The following CCDC149 variants were observed in gnomAD, a reference collection of about 807,000 sequenced individuals.
CCDC149 encodes the protein coiled-coil domain-containing protein 149.
A neutral mutation model predicts 59.9 loss-of-function variants in CCDC149; 45 were observed. That is an observed-to-expected ratio of 0.75 (90% CI 0.59 to 0.96). CCDC149 has a LOEUF of 0.96. Among genes scored for constraint, CCDC149 ranks in the 40% least tolerant of loss-of-function variants. The pLI is 0.00. For missense variants in CCDC149, 584 were observed against 664.7 expected (o/e 0.88, Z 1.33); for synonymous variants, 245 against 260.6 (o/e 0.94, Z 0.58).
intron 11 of CCDC149, 129 bp from the exon 12 acceptor site, chr4:24,820,104 G>A (rs780993147): frequency 9.3e-6 from 6 of 646,434 alleles, no homozygotes; most frequent in African/African-American, 1.8e-5. Flanking sequence ...AGCCTGCTAC[G>A]ACTGCTGACA....
At chr4:24,968,332 A>T (rs1723864426) in intron 1 of CCDC149, among the ~76,000 whole-genome samples, 1 of 152,222 alleles carries the variant, frequency 6.6e-6, no homozygotes, top group Non-Finnish European at 1.5e-5. Context: ...GTGTGACAGG[A>T]TGGGCTGCAG....
At chr4:24,885,797 A>T (rs747347000) in intron 1 of CCDC149, among the ~76,000 whole-genome samples, 4 of 152,230 alleles carry the variant, frequency 2.6e-5, no homozygotes, top group Non-Finnish European at 4.4e-5. Context: ...TTCCCAGCTC[A>T]GGAAGGTTTC....
chr4:24,809,132 A>C (rs1714429543), intron 12 of CCDC149, among the ~76,000 whole-genome samples: 1 of 152,166 alleles, frequency 6.6e-6, no homozygotes, highest in Non-Finnish European at 1.5e-5. Context: ...CCTTGTGCCC[A>C]TTAAATATTT....
intron 1 of CCDC149, among the ~76,000 whole-genome samples, chr4:24,963,465 A>AC (rs1723706012): frequency 6.6e-6 from 1 of 152,138 alleles, no homozygotes; most frequent in Admixed American, 6.5e-5. Context: ...TGTCAGCAGA[A>AC]CCACACAAGG....
At chr4:24,917,489 A>G (rs755543644), upstream of CCDC149, among the ~76,000 whole-genome samples, 7 of 152,226 alleles carry the variant, frequency 4.6e-5, no homozygotes, top group Non-Finnish European at 8.8e-5. Context: ...AGAGGTGGAA[A>G]GGCCACTCCT....
chr4:24,915,611 A>G (rs1168981060), upstream of CCDC149, among the ~76,000 whole-genome samples: 1 of 152,246 alleles, frequency 6.6e-6, no homozygotes, highest in Non-Finnish European at 1.5e-5. Context: ...GTATTTAAAA[A>G]TAAAGCTGGG....
intron 1 of CCDC149, among the ~76,000 whole-genome samples, chr4:24,886,976 T>C (rs960200602): frequency 6.6e-6 from 1 of 152,162 alleles, no homozygotes; most frequent in Admixed American, 6.5e-5. Flanking sequence ...TATATTTCTC[T>C]GCAATTGCAT....
At chr4:24,962,918 T>C (rs1405380406) in intron 1 of CCDC149, among the ~76,000 whole-genome samples, 1 of 112,770 alleles carries the variant, frequency 8.9e-6, no homozygotes, top group Non-Finnish European at 2.1e-5. Context: ...AAATAAAATC[T>C]TTGTAAAGTG....
chr4:24,957,874 C>T lies in CCDC149; in HGVS notation c.-65+22195G>A, dbSNP rs375578378. On this transcript the variant is annotated intron_variant, in intron 1 of 12. Transcript: ENST00000389609. The stretch of plus-strand genomic sequence containing the variant: ...TGGGAAGAAGCAAGATTGGAAGATT[C>T]GGAATGGGAAGGTCTAGGAAGGATG... 1.6e-4 allele frequency among the ~76,000 whole-genome samples: 25 copies of T among 152,236 alleles called. No homozygotes were observed. The South Asian group carries it at 4.2e-3, about 25-fold the overall frequency.
intron 1 of CCDC149, among the ~76,000 whole-genome samples, chr4:24,908,322 G>C (rs1721659008): frequency 1.3e-5 from 2 of 152,134 alleles, no homozygotes; most frequent in South Asian, 4.1e-4. Flanking sequence ...CAGAGTCTAA[G>C]TCAACAACTG....
chr4:24,837,310 T>C lies in CCDC149; in HGVS notation c.580A>G (p.Arg194Gly). 1 of 1,614,188 alleles carries C rather than the reference T, an allele frequency of 6.2e-7. No homozygotes were observed. The highest frequency in any genetic ancestry group is 8.5e-7 in the Non-Finnish European group (1 of 1,180,038). ...ATATGGTTCAGCTCCTGGTTGAGCC[T>C]CTCCACTTTGTCCTGGTAGGAAGAC... is the stretch of plus-strand genomic sequence containing the variant. The change falls in exon 6 of 13, where the codon AGG becomes GGG. Residue 194 changes from arginine (R) to glycine (G), a missense_variant. Coordinates refer to ENST00000635206, the MANE Select transcript of CCDC149 (RefSeq NM_001330643.2). The surrounding 1 kb of genome is among the most constrained non-coding windows in gnomAD (Gnocchi z 4.3).
intron 1 of CCDC149, among the ~76,000 whole-genome samples, chr4:24,959,412 C>T (rs1319523036): frequency 6.6e-6 from 1 of 151,984 alleles, no homozygotes; most frequent in Non-Finnish European, 1.5e-5. Context: ...GTGTTGTTTC[C>T]CTGTTACTTG....
intron 1 of CCDC149, among the ~76,000 whole-genome samples, chr4:24,954,379 G>T (rs1723403753): frequency 6.6e-6 from 1 of 152,222 alleles, no homozygotes; most frequent in South Asian, 2.1e-4. Context: ...ACTATGTTTT[G>T]TGCTAGTGAG....
intron 12 of CCDC149, among the ~76,000 whole-genome samples, chr4:24,810,441 C>T (rs922678973): frequency 8.5e-5 from 13 of 152,184 alleles, no homozygotes; most frequent in Non-Finnish European, 1.9e-4. Context: ...CCTGCAAACA[C>T]TTCCAAGTCC....
chr4:24,943,855 A>G (rs1011844571), intron 1 of CCDC149, among the ~76,000 whole-genome samples: 1 of 152,258 alleles, frequency 6.6e-6, no homozygotes, highest in African/African-American at 2.4e-5. Flanking sequence ...AATCAAAACC[A>G]CAATGAGATA....
intron 1 of CCDC149, among the ~76,000 whole-genome samples, chr4:24,881,185 G>A (rs554202506): frequency 1.3e-5 from 2 of 152,346 alleles, no homozygotes; most frequent in South Asian, 4.1e-4. Context: ...ATTTATCATA[G>A]AGTGAGAAAA....
intron 1 of CCDC149, among the ~76,000 whole-genome samples, chr4:24,960,016 C>A (rs1021466615): frequency 1.3e-5 from 2 of 152,092 alleles, no homozygotes; most frequent in Admixed American, 6.5e-5. Context: ...TGTTATTTTC[C>A]TCTTTATATC....
At chr4:24,928,083 A>G (rs1411806377) in intron 1 of CCDC149, among the ~76,000 whole-genome samples, 1 of 152,204 alleles carries the variant, frequency 6.6e-6, no homozygotes, top group African/African-American at 2.4e-5. Context: ...TTAGCAAGAG[A>G]GTTCTTTGAA....
chr4:24,911,201 A>C (rs1274694141), intron 1 of CCDC149, among the ~76,000 whole-genome samples: 2 of 152,244 alleles, frequency 1.3e-5, no homozygotes, highest in African/African-American at 4.8e-5. Flanking sequence ...TTGTTACAAT[A>C]ATGTGGTCAG....
Sources: gnomAD v4.1 joint callset for allele counts (sites outside exome capture counted in the v4.1 genomes callset) on GRCh38, gnomAD v4.1.1 for gene constraint, Gnocchi (gnomAD v3.1) non-coding constraint, MANE v1.5 for transcripts, NCBI Gene and HGNC (gene_info 2026-07-23, HGNC 2026-07-21) for gene names.